Variants in ZBTB16 observed in about 807,000 individuals in gnomAD.
The protein encoded by ZBTB16 is zinc finger and BTB domain-containing protein 16.
ZBTB16 carries 8 observed loss-of-function variants against 56.8 expected under a neutral mutation model. The observed-to-expected ratio is 0.14, with a 90% CI of 0.08 to 0.25. The LOEUF is 0.25. ZBTB16 is among the 10% of genes least tolerant of loss of function. The pLI, the probability that ZBTB16 is intolerant of heterozygous loss-of-function variation, is 1.00. For synonymous variants in ZBTB16, 363 were observed against 368.5 expected (o/e 0.98, Z 0.17); for missense variants, 625 against 903.0 (o/e 0.69, Z 3.95).
chr11:114,152,262 TA>T (rs1942296639), intron 2 of ZBTB16, among the ~76,000 whole-genome samples: 1 of 152,250 alleles, frequency 6.6e-6, no homozygotes, highest in African/African-American at 2.4e-5. Flanking sequence ...GTTTGCTCTC[TA>T]AACCAGATGA....
chr11:114,129,270 T>C (rs1292900826), intron 2 of ZBTB16, among the ~76,000 whole-genome samples: 1 of 152,258 alleles, frequency 6.6e-6, no homozygotes, highest in African/African-American at 2.4e-5. Context: ...CTGCTCTGTT[T>C]AGAGGTGAGA....
chr11:114,095,726 A>G (rs184424821), intron 2 of ZBTB16, among the ~76,000 whole-genome samples: 265 of 152,324 alleles, frequency 1.7e-3, no homozygotes, highest in Middle Eastern at 3.4e-3. Context: ...CTAGGGGGTT[A>G]GGAGAGTAAA....
At chr11:114,147,462 AC>A (rs1375894220) in intron 2 of ZBTB16, among the ~76,000 whole-genome samples, 1 of 152,088 alleles carries the variant, frequency 6.6e-6, no homozygotes, top group African/African-American at 2.4e-5. Context: ...GAGAACAAAA[AC>A]CCTGTTCATC....
rs113277831 is a variant in ZBTB16 at position 114,243,979 on chromosome 11, A to G, written c.1624+1642A>G. 5.9e-5 allele frequency among the ~76,000 whole-genome samples: 9 copies of G among 152,310 alleles called. 1 individual carries two copies. Among genetic ancestry groups the G allele is most frequent in the African/African-American group, 2.2e-4 (9 of 41,554 alleles). ...GAGAAGCCCTTGCTTATTCTAGGAA[A>G]CACGGAGCATGTGTGCTGCCTATGC... On this transcript the variant is annotated intron_variant, in intron 5 of 6. Transcript: ENST00000335953.
chr11:114,104,047 C>T (rs564086177), intron 2 of ZBTB16, among the ~76,000 whole-genome samples: 2 of 152,328 alleles, frequency 1.3e-5, no homozygotes, highest in South Asian at 2.1e-4. Context: ...CCAGTTTGAG[C>T]TCATTTACCA....
chr11:114,109,199 A>C (rs1017559017), intron 2 of ZBTB16, among the ~76,000 whole-genome samples: 2 of 152,232 alleles, frequency 1.3e-5, no homozygotes, highest in African/African-American at 4.8e-5. Flanking sequence ...GTAGCTCTCC[A>C]TCTGAATGTG....
Position 114,073,357 on chromosome 11 carries a change from A to G in ZBTB16, c.1268+8789A>G, listed in dbSNP as rs79311262. 2.1e-3 allele frequency among the ~76,000 whole-genome samples: 317 copies of G among 152,312 alleles called. 1 individual carries two copies. Among genetic ancestry groups the G allele is most frequent in the African/African-American group, 6.5e-3 (272 of 41,568 alleles). ...AGAAAAAGAGAGAAAAAAGAAACCC[A>G]TTTACAAAAATAAAAATCCCATGCT... On this transcript the variant is annotated intron_variant, in intron 2 of 6. Transcript: ENST00000335953.
chr11:114,065,663 G>C (rs1939088934), intron 2 of ZBTB16, among the ~76,000 whole-genome samples: 1 of 152,164 alleles, frequency 6.6e-6, no homozygotes, highest in Non-Finnish European at 1.5e-5. Context: ...TGATCGGCCT[G>C]CTTCGGCCTC....
At chr11:114,127,680 A>G (rs1014341250) in intron 2 of ZBTB16, among the ~76,000 whole-genome samples, 1 of 152,158 alleles carries the variant, frequency 6.6e-6, no homozygotes, top group African/African-American at 2.4e-5. Context: ...GGACCTCAGA[A>G]TGGGGTTATT....
intron 2 of ZBTB16, among the ~76,000 whole-genome samples, chr11:114,066,469 G>T (rs780673591): frequency 6.6e-6 from 1 of 152,138 alleles, no homozygotes; most frequent in Non-Finnish European, 1.5e-5. Flanking sequence ...TCATCTTTCC[G>T]GATGTGAATT....
intron 4 of ZBTB16, among the ~76,000 whole-genome samples, chr11:114,229,558 T>G (rs1944396469): frequency 6.6e-6 from 1 of 152,234 alleles, no homozygotes; most frequent in Non-Finnish European, 1.5e-5. Flanking sequence ...GGTAGCCCAC[T>G]CTCACTTTCT....
chr11:114,173,674 G>A (rs921794771), intron 3 of ZBTB16, among the ~76,000 whole-genome samples: 2 of 152,224 alleles, frequency 1.3e-5, no homozygotes, highest in African/African-American at 4.8e-5. Flanking sequence ...GAGGGACATG[G>A]GGAAGAGCAG....
intron 1 of ZBTB16, among the ~76,000 whole-genome samples, chr11:114,061,040 C>A (rs959102599): frequency 6.6e-6 from 1 of 152,196 alleles, no homozygotes; most frequent in African/African-American, 2.4e-5. Context: ...CGCTTTCCCT[C>A]GTCCCTAGCT....
At position 114,186,953 on chromosome 11, in the gene ZBTB16, G is replaced by A. The variant is rs763364502; in HGVS notation, c.1368G>A (p.Ala456=). 6.8e-6 allele frequency: 11 copies of A among 1,613,844 alleles called. No individual in the cohort carries two copies. The highest frequency in any genetic ancestry group is 2.2e-5 in the East Asian group (1 of 44,846). ...RLRMHLLAHS[A]GAKAFVCDQC... is the part of the protein sequence containing the mutation. The stretch of plus-strand genomic sequence containing the variant: ...GTAACTGCCTCTCCTTTCTTTCAGC[G>A]GGTGCCAAAGCCTTTGTCTGTGATC... Residue 456 remains alanine, a splice_region_variant and synonymous_variant, in exon 4 of 7, where the codon GCG becomes GCA. Transcript: ENST00000335953.
intron 4 of ZBTB16, among the ~76,000 whole-genome samples, chr11:114,238,486 C>T (rs879629473): frequency 4.0e-5 from 6 of 151,876 alleles, no homozygotes; most frequent in African/African-American, 4.8e-5. Flanking sequence ...GGTGTCCTCA[C>T]GTGGTGGAAG....
At chr11:114,218,213 C>T (rs1348844230) in intron 4 of ZBTB16, among the ~76,000 whole-genome samples, 7 of 152,194 alleles carry the variant, frequency 4.6e-5, no homozygotes, top group Non-Finnish European at 1.0e-4. Context: ...AAGTCCAACC[C>T]AGGTGAACCC....
At chr11:114,235,791 C>CTT (rs576028880) in intron 4 of ZBTB16, among the ~76,000 whole-genome samples, 2,499 of 115,290 alleles carry the variant, frequency 0.022, 181 homozygotes, top group African/African-American at 0.084. Flanking sequence ...CTTCCTTCTC[C>CTT]TTTTTTTTTT....
intron 4 of ZBTB16, among the ~76,000 whole-genome samples, chr11:114,193,890 G>A (rs944163095): frequency 3.3e-5 from 5 of 152,188 alleles, no homozygotes; most frequent in African/African-American, 4.8e-5. Context: ...TAACAGATGA[G>A]ACCATGGAGG....
intron 2 of ZBTB16, among the ~76,000 whole-genome samples, chr11:114,066,856 C>T (rs1462765622): frequency 6.6e-6 from 1 of 150,440 alleles, no homozygotes; most frequent in Non-Finnish European, 1.5e-5. Context: ...CTGCAGTCTC[C>T]ACCTCCCGGG....
Sources: allele counts gnomAD v4.1 joint callset (sites outside exome capture counted in the v4.1 genomes callset), GRCh38; gene constraint gnomAD v4.1.1; transcripts MANE v1.5; gene names NCBI Gene and HGNC (gene_info 2026-07-23, HGNC 2026-07-21).